The following ZFR variants were observed in gnomAD, a reference collection of about 807,000 sequenced individuals.
ZFR encodes zinc finger RNA binding protein, also known as zinc finger RNA-binding protein.
Under a neutral mutation model 130.7 loss-of-function variants are expected in ZFR, and 19 were observed. The ratio of observed to expected loss-of-function variants is 0.15; its 90% confidence interval spans 0.10 to 0.21. The LOEUF (loss-of-function observed/expected upper bound fraction) is 0.21. ZFR is among the 10% of genes least tolerant of loss of function. The probability of loss-of-function intolerance (pLI) is 1.00; values close to 1 mark genes in which losing one functional copy is unlikely to be tolerated. For missense variants in ZFR, 872 were observed against 1,321.5 expected (o/e 0.66, Z 5.27); for synonymous variants, 466 against 456.9 (o/e 1.02, Z -0.25).
intron 11 of ZFR, among the ~76,000 whole-genome samples, chr5:32,390,984 A>G (rs996398057): frequency 6.6e-6 from 1 of 152,202 alleles, no homozygotes; most frequent in Non-Finnish European, 1.5e-5. Flanking sequence ...GCTCCTATTA[A>G]TTGTTGCCAT....
chr5:32,393,865 A>G (rs747586735), intron 11 of ZFR, among the ~76,000 whole-genome samples: 4 of 152,158 alleles, frequency 2.6e-5, no homozygotes, highest in Non-Finnish European at 5.9e-5. Context: ...TATCGCCTCA[A>G]TAGGTTCACA....
chr5:32,358,523 G>C (rs1337046651), intron 19 of ZFR, among the ~76,000 whole-genome samples: 1 of 152,212 alleles, frequency 6.6e-6, no homozygotes, highest in African/African-American at 2.4e-5. Flanking sequence ...AGCCGGGCTT[G>C]GTGGCGGGTG....
At position 32,405,229 on chromosome 5, in the gene ZFR, G is replaced by A. The variant is rs184853311; in HGVS notation, c.1033-1132C>T. Reference sequence around the variant, plus strand: ...AGGGCAAGTCCTGTTATAGAAAAGTGAGGAAATAAAAGCCCAAAGAAGTTA... The same window carrying A: ...AGGGCAAGTCCTGTTATAGAAAAGTAAGGAAATAAAAGCCCAAAGAAGTTA... On this transcript the variant is annotated intron_variant, in intron 6 of 19. Transcript: ENST00000265069. Among the ~76,000 whole-genome samples, 26 of 152,286 alleles carry A rather than the reference G, an allele frequency of 1.7e-4. No individual in the cohort carries two copies. In the East Asian group the frequency reaches 3.9e-3, roughly 23 times the overall value.
rs747630451 is a variant in ZFR, at chr5:32,379,102, A to G, written c.2835+13T>C. ...CTACATGTTTTTACACCATACAGTT[A>G]CGTACTACTTACCCAGCTTGGAAAA... is the stretch of plus-strand genomic sequence containing the variant. On this transcript the variant is annotated intron_variant, in intron 17 of 19. Transcript: ENST00000265069. The G allele has an allele frequency of 1.2e-5, 19 of 1,592,176 alleles. No individual in the cohort carries two copies. Among genetic ancestry groups the G allele is most frequent in the Admixed American group, 3.3e-5 (2 of 59,950 alleles).
At chr5:32,415,829 T>C (rs888312333) in intron 4 of ZFR, among the ~76,000 whole-genome samples, 1 of 152,130 alleles carries the variant, frequency 6.6e-6, no homozygotes, top group East Asian at 1.9e-4. Context: ...TTTGAAAGAG[T>C]CTTAGAAGCC....
At chr5:32,361,979 G>C (rs540506116) in intron 19 of ZFR, among the ~76,000 whole-genome samples, 2 of 152,064 alleles carry the variant, frequency 1.3e-5, no homozygotes, top group African/African-American at 4.8e-5. Flanking sequence ...AACCAATATA[G>C]CATTTGAGGT....
intron 14 of ZFR, 26 bp downstream of exon 14, chr5:32,387,523 A>C: frequency 1.9e-6 from 3 of 1,607,682 alleles, no homozygotes; most frequent in Non-Finnish European, 2.5e-6. Context: ...ACAAGGGGTA[A>C]AAATGAACAT....
At chr5:32,409,431 C>T (rs995620830) in intron 5 of ZFR, among the ~76,000 whole-genome samples, 1 of 151,864 alleles carries the variant, frequency 6.6e-6, no homozygotes, top group Non-Finnish European at 1.5e-5. Flanking sequence ...CCCCACCCCC[C>T]CATTTTTTTT....
At chr5:32,441,260 A>G (rs1347407894) in intron 2 of ZFR, among the ~76,000 whole-genome samples, 1 of 152,210 alleles carries the variant, frequency 6.6e-6, no homozygotes, top group East Asian at 1.9e-4. Flanking sequence ...TACAGGCGTG[A>G]GCCACCACGC....
In ZFR at chr5:32,379,127, A is replaced by C; in HGVS notation, c.2823T>G (p.Asp941Glu). 1 of 1,613,516 alleles carries C rather than the reference A, an allele frequency of 6.2e-7. No individual in the cohort carries two copies. Residue 941 changes from aspartate to glutamate, a missense_variant, in exon 17 of 20, where the codon GAT becomes GAG. By Grantham distance (45) the Asp-to-Glu change is conservative. Transcript: ENST00000265069. ...ACGTACTACTTACCCAGCTTGGAAA[A>C]TCAGACCAAGTTGGAACTCGCTGAC... Reference protein sequence around the residue: ...DLCQRVPTWSDFPSWAMELLV... With the variant: ...DLCQRVPTWSEFPSWAMELLV...
chr5:32,367,477 T>C (rs978906468), intron 17 of ZFR, among the ~76,000 whole-genome samples: 4 of 147,768 alleles, frequency 2.7e-5, no homozygotes, highest in African/African-American at 1.1e-4. Context: ...AATAAATAAA[T>C]AAATAAATAA....
Position 32,444,727 on chromosome 5 carries a change from T to A in ZFR, c.-69A>T. 1 of 1,491,170 alleles carries A rather than the reference T, an allele frequency of 6.7e-7. No homozygotes were observed. The highest frequency in any genetic ancestry group is 8.9e-7 in the Non-Finnish European group (1 of 1,120,012). The allele number at this position is 1,491,170 out of a possible 1,614,324, so 92.4% of individuals were successfully genotyped here. A position where few individuals can be genotyped will look rare whatever the true frequency, so the allele number is the denominator to read the frequency against. On this transcript the variant is annotated 5_prime_UTR_variant, in exon 1 of 20. Coordinates refer to ENST00000265069, the MANE Select transcript of ZFR (RefSeq NM_016107.5). Reference sequence around the variant, plus strand: ...CCTCCCTCCTCTGCCCCGCTCCTCCTCAGCGGAGAACAGACCGCCGCCTCC... The same window carrying A: ...CCTCCCTCCTCTGCCCCGCTCCTCCACAGCGGAGAACAGACCGCCGCCTCC...
intron 2 of ZFR, 45 bp downstream of exon 2, chr5:32,444,184 A>G: frequency 6.3e-7 from 1 of 1,578,238 alleles, no homozygotes. Flanking sequence ...ATCCGGACCG[A>G]GGGGAGAGCA....
rs370998112 is a variant in ZFR, at chr5:32,436,140, C to CTTTTTTTT, written c.137+8081_137+8088dup. On this transcript the variant is annotated intron_variant, in intron 2 of 19. Coordinates refer to ENST00000265069, the MANE Select transcript of ZFR (RefSeq NM_016107.5). ...TAAAGTTGGTAACCACAGTTGTATT[C>CTTTTTTTT]TTTTTTTTTTTTTTTTTTTTTTTTT... Among the ~76,000 whole-genome samples, 20 of 91,800 alleles carry CTTTTTTTT rather than the reference C, an allele frequency of 2.2e-4. 3 individuals are homozygous for CTTTTTTTT. The highest frequency in any genetic ancestry group is 7.4e-4 in the East Asian group (2 of 2,698). 60.2% of individuals were successfully genotyped at this position (91,800 alleles called of 152,430 possible).
At chr5:32,358,513 A>C (rs1263605609) in intron 19 of ZFR, among the ~76,000 whole-genome samples, 3 of 152,076 alleles carry the variant, frequency 2.0e-5, no homozygotes, top group Non-Finnish European at 4.4e-5. Flanking sequence ...ACAAAAAATT[A>C]GCCGGGCTTG....
At chr5:32,411,267 A>G (rs1001189431) in intron 5 of ZFR, among the ~76,000 whole-genome samples, 1 of 152,232 alleles carries the variant, frequency 6.6e-6, no homozygotes, top group African/African-American at 2.4e-5. Context: ...AGCTGGTTTG[A>G]GCAGATCTCA....
chr5:32,380,569 A>C (rs1752913255), intron 15 of ZFR: 2 of 156,516 alleles, frequency 1.3e-5, no homozygotes, highest in Non-Finnish European at 2.8e-5. Context: ...AGCTAATATA[A>C]CAAAGAACTG....
Position 32,441,874 on chromosome 5 carries a change from T to C in ZFR, c.137+2355A>G, listed in dbSNP as rs186167879. ...AATATAAGTAATGTCAAAAGACTAG[T>C]CTTTTCTCATCAGATGTACACTTAA... On this transcript the variant is annotated intron_variant, in intron 2 of 19. Coordinates refer to ENST00000265069, the MANE Select transcript of ZFR (RefSeq NM_016107.5). 1.6e-4 allele frequency among the ~76,000 whole-genome samples: 24 copies of C among 152,304 alleles called. No homozygotes were observed. In the East Asian group the frequency reaches 4.0e-3, roughly 26 times the overall value.
At chr5:32,394,633 T>C (rs973943403) in intron 11 of ZFR, among the ~76,000 whole-genome samples, 4 of 152,210 alleles carry the variant, frequency 2.6e-5, no homozygotes, top group Non-Finnish European at 5.9e-5. Context: ...GATGAACTGT[T>C]CTAAATTGAT....
Sources: gnomAD v4.1 joint callset for allele counts (sites outside exome capture counted in the v4.1 genomes callset) on GRCh38, gnomAD v4.1.1 for gene constraint, MANE v1.5 for transcripts, NCBI Gene and HGNC (gene_info 2026-07-23, HGNC 2026-07-21) for gene names.